SLC35F4: variants seen among roughly 807,000 people sequenced by gnomAD.
SLC35F4 encodes chromosome 14 open reading frame 36.
In SLC35F4, 24 loss-of-function variants were observed where a neutral mutation model predicts 44.2. The observed-to-expected ratio is 0.54, with a 90% confidence interval of 0.39 to 0.76. The LOEUF (loss-of-function observed/expected upper bound fraction) is 0.76, where lower values mean the gene tolerates loss of function less well. Ranked by LOEUF, SLC35F4 falls within the 30% of genes least tolerant of loss-of-function variation. The probability of loss-of-function intolerance (pLI) is 0.00; values close to 1 mark genes in which losing one functional copy is unlikely to be tolerated. For missense variants in SLC35F4, 562 were observed against 586.1 expected (o/e 0.96, Z 0.42); for synonymous variants, 238 against 223.6 (o/e 1.06, Z -0.57).
At chr14:57,827,530 A>C (rs541903893) in intron 1 of SLC35F4, among the ~76,000 whole-genome samples, 1 of 152,080 alleles carries the variant, frequency 6.6e-6, no homozygotes, top group Non-Finnish European at 1.5e-5. Context: ...TTATTTTTTT[A>C]AAAAAAGGAC....
At chr14:57,954,532 CT>C (rs1890202027) in intron 1 of SLC35F4, among the ~76,000 whole-genome samples, 1 of 151,768 alleles carries the variant, frequency 6.6e-6, no homozygotes, top group South Asian at 2.1e-4. Flanking sequence ...GCCAGCCAGA[CT>C]AATAAAGAAG....
chr14:57,681,019 A>G (rs1040319552), intron 1 of SLC35F4, among the ~76,000 whole-genome samples: 2 of 151,118 alleles, frequency 1.3e-5, no homozygotes, highest in Non-Finnish European at 2.9e-5. Flanking sequence ...GAAAAAAACT[A>G]CCTTTAAATT....
At chr14:57,878,077 G>C (rs1243091234) in intron 1 of SLC35F4, among the ~76,000 whole-genome samples, 1 of 151,994 alleles carries the variant, frequency 6.6e-6, no homozygotes, top group East Asian at 1.9e-4. Context: ...TAGTGATATT[G>C]AGCATTTTTT....
rs1432858837 is a variant in SLC35F4 at position 57,881,002 on chromosome 14, C to T, written n.282+100911G>A. Among the ~76,000 whole-genome samples the T allele has an allele frequency of 2.0e-5, 3 of 152,106 alleles. No homozygotes were observed. In the East Asian group the frequency reaches 5.8e-4, roughly 29 times the overall value. ...ATCAGAGATTTGTTTGTTTGCTAAACCTAGATTCAAAGCAAAGAAAATTGA... is the reference window on the plus strand; with the variant it reads ...ATCAGAGATTTGTTTGTTTGCTAAATCTAGATTCAAAGCAAAGAAAATTGA... On this transcript the variant is annotated intron_variant and non_coding_transcript_variant, in intron 1 of 1. Transcript: ENST00000556568.
rs954236066 is a variant in SLC35F4, at chr14:57,708,865, C to A, written c.104-114741G>T. Among the ~76,000 whole-genome samples the A allele has an allele frequency of 5.9e-5, 9 of 152,148 alleles. 1 individual carries two copies. Among genetic ancestry groups the A allele is most frequent in the African/African-American group, 2.2e-4 (9 of 41,420 alleles). On this transcript the variant is annotated intron_variant, in intron 1 of 7. Coordinates refer to ENST00000556826, the MANE Select transcript of SLC35F4 (RefSeq NM_001306087.2). ...TAAGGTCATGTGGGTCACGTGTCCA[C>A]TGGACAGGGGGCCCTTCCCTGCCTG... is the stretch of plus-strand genomic sequence containing the variant.
At chr14:57,892,376 T>G (rs7155201) in intron 1 of SLC35F4, among the ~76,000 whole-genome samples, 1 of 152,092 alleles carries the variant, frequency 6.6e-6, no homozygotes, top group Non-Finnish European at 1.5e-5. Context: ...TTCCACATTG[T>G]CTCCCAAAAG....
chr14:57,715,513 G>A (rs902461000), intron 1 of SLC35F4, among the ~76,000 whole-genome samples: 1 of 152,216 alleles, frequency 6.6e-6, no homozygotes, highest in Non-Finnish European at 1.5e-5. Flanking sequence ...AACCAGAGTT[G>A]AATGAAGAAA....
At chr14:57,900,963 C>T (rs1888986545) in intron 1 of SLC35F4, among the ~76,000 whole-genome samples, 1 of 151,924 alleles carries the variant, frequency 6.6e-6, no homozygotes, top group African/African-American at 2.4e-5. Flanking sequence ...TCAAAACCAC[C>T]CACAATGACA....
chr14:57,846,292 C>A (rs1433045035), intron 1 of SLC35F4, among the ~76,000 whole-genome samples: 2 of 152,172 alleles, frequency 1.3e-5, no homozygotes, highest in Non-Finnish European at 2.9e-5. Context: ...AATTCCAAAC[C>A]TCTTTTTCCA....
At chr14:57,643,431 T>A (rs2073342833) in intron 1 of SLC35F4, among the ~76,000 whole-genome samples, 1 of 152,206 alleles carries the variant, frequency 6.6e-6, no homozygotes, top group Non-Finnish European at 1.5e-5. Context: ...ATAATGGCCC[T>A]GATTTATGAG....
At chr14:57,789,565 G>A (rs1195309474) in intron 1 of SLC35F4, among the ~76,000 whole-genome samples, 2 of 152,120 alleles carry the variant, frequency 1.3e-5, no homozygotes, top group African/African-American at 4.8e-5. Flanking sequence ...TTTACCAGAA[G>A]TACAAAGAGG....
chr14:57,742,235 A>T (rs2076630270), intron 1 of SLC35F4, among the ~76,000 whole-genome samples: 1 of 152,198 alleles, frequency 6.6e-6, no homozygotes, highest in African/African-American at 2.4e-5. Flanking sequence ...ATTAACCTTA[A>T]ATGTAAATGG....
intron 1 of SLC35F4, among the ~76,000 whole-genome samples, chr14:57,911,847 T>C (rs1889221211): frequency 6.6e-6 from 1 of 152,054 alleles, no homozygotes; most frequent in Non-Finnish European, 1.5e-5. Context: ...AGATTGTAGA[T>C]AATTGGCTTA....
intron 1 of SLC35F4, among the ~76,000 whole-genome samples, chr14:57,624,301 GTAATTAA>G (rs1427095243): frequency 6.6e-6 from 1 of 152,100 alleles, no homozygotes; most frequent in African/African-American, 2.4e-5. Context: ...AATTGAAGCA[GTAATTAA>G]TAGCTTACCA....
At chr14:57,882,716 T>C (rs1378311730) in intron 1 of SLC35F4, among the ~76,000 whole-genome samples, 2 of 152,176 alleles carry the variant, frequency 1.3e-5, no homozygotes, top group Non-Finnish European at 2.9e-5. Context: ...TGCCTTTGGG[T>C]AGTAAGCCTC....
chr14:57,697,949 G>C (rs1000994077), intron 1 of SLC35F4, among the ~76,000 whole-genome samples: 12 of 152,156 alleles, frequency 7.9e-5, no homozygotes, highest in African/African-American at 2.9e-4. Context: ...CATGAGGTCT[G>C]AAACAACACT....
Position 57,589,496 on chromosome 14 carries a change from T to A in SLC35F4, c.307A>T (p.Thr103Ser), listed in dbSNP as rs1176161704. 1.9e-6 allele frequency: 3 copies of A among 1,610,322 alleles called. No individual in the cohort carries two copies. In the East Asian group the frequency reaches 6.7e-5, roughly 36 times the overall value. The stretch of plus-strand genomic sequence containing the variant: ...TCTTGGCTGCTGTTCTCAGAATGAG[T>A]CTGTGTCCCATCGTCTGCTGGAAAC... ...QNRSADDGTQTHSENSSQENR... is the reference protein window; with the variant it reads ...QNRSADDGTQSHSENSSQENR... The change falls in exon 3 of 8, where the codon ACT becomes TCT. Residue 103 changes from threonine (T) to serine (S), a missense_variant. Thr to Ser is a moderately conservative substitution (Grantham distance 58). Coordinates refer to ENST00000556826, the MANE Select transcript of SLC35F4 (RefSeq NM_001306087.2).
At chr14:57,798,447 C>T (rs1434435889) in intron 1 of SLC35F4, among the ~76,000 whole-genome samples, 1 of 152,066 alleles carries the variant, frequency 6.6e-6, no homozygotes, top group African/African-American at 2.4e-5. Context: ...GCTTGATGAC[C>T]TTAATTAGGC....
chr14:57,564,376 G>A lies in SLC35F4; in HGVS notation c.1217C>T (p.Ala406Val), dbSNP rs1463823679. The change falls in exon 8 of 8, where the codon GCT becomes GTT. Residue 406 changes from alanine (A) to valine (V), a missense_variant and splice_region_variant. Physicochemically the swap from Ala to Val is moderately conservative, Grantham distance 64 (BLOSUM62 0). Coordinates refer to ENST00000556826, the MANE Select transcript of SLC35F4 (RefSeq NM_001306087.2). ...CACCTCCTGCTTTAGGAGATCCACA[G>A]CTAGGAAAGAAAAATCAAGTCAGTC... The part of the protein sequence containing the change: ...GTVLSVPGNA[A>V]VDLLKQEVIF... The A allele has an allele frequency of 1.2e-6, 2 of 1,601,276 alleles. No individual in the cohort carries two copies. Among genetic ancestry groups the A allele is most frequent in the Admixed American group, 1.7e-5 (1 of 58,232 alleles).
Sources: allele counts gnomAD v4.1 joint callset (sites outside exome capture counted in the v4.1 genomes callset), GRCh38; gene constraint gnomAD v4.1.1; transcripts MANE v1.5; gene names NCBI Gene and HGNC (gene_info 2026-07-23, HGNC 2026-07-21).